STK32B: variants seen among roughly 807,000 people sequenced by gnomAD.
The protein encoded by STK32B is serine/threonine-protein kinase 32B.
STK32B carries 43 observed loss-of-function variants against 52.6 expected under a neutral mutation model. That is an observed-to-expected ratio of 0.82 (90% confidence interval 0.64 to 1.05). The LOEUF (loss-of-function observed/expected upper bound fraction) is 1.05, where lower values mean the gene tolerates loss of function less well. STK32B is among the 50% of genes least tolerant of loss of function. The pLI, the probability that STK32B is intolerant of heterozygous loss-of-function variation, is 0.00. For missense variants in STK32B, 621 were observed against 534.6 expected, an observed-to-expected ratio of 1.16 and a Z score of -1.59; for synonymous variants, 238 against 204.3, an observed-to-expected ratio of 1.17 and a Z score of -1.41.
intron 3 of STK32B, among the ~76,000 whole-genome samples, chr4:5,294,264 T>C (rs1433748223): frequency 6.6e-6 from 1 of 152,198 alleles, no homozygotes; most frequent in Admixed American, 6.5e-5. Flanking sequence ...TTGTCTTGGC[T>C]GTACAGGCTG....
At position 5,416,944 on chromosome 4, in the gene STK32B, C is replaced by T; in HGVS notation, c.562+10C>T. 3 of 1,607,738 alleles carry T rather than the reference C, an allele frequency of 1.9e-6. No homozygotes were observed. The highest frequency in any genetic ancestry group is 2.5e-6 in the Non-Finnish European group (3 of 1,176,894). ...ACCAAGCCCTACATGGGTGAGTGTTCCAGGCCCCTTCTTTTCATGTGATCG... is the reference window on the plus strand; with the variant it reads ...ACCAAGCCCTACATGGGTGAGTGTTTCAGGCCCCTTCTTTTCATGTGATCG... On this transcript the variant is annotated intron_variant, in intron 6 of 11. Coordinates refer to ENST00000282908, the MANE Select transcript of STK32B (RefSeq NM_018401.3).
intron 4 of STK32B, among the ~76,000 whole-genome samples, chr4:5,389,840 T>A (rs1473011572): frequency 2.6e-5 from 4 of 152,000 alleles, no homozygotes; most frequent in Non-Finnish European, 5.9e-5. Flanking sequence ...GTGGGAAGAG[T>A]CTCCTGGATT....
chr4:5,385,436 T>C (rs1736184697), intron 4 of STK32B, among the ~76,000 whole-genome samples: 1 of 137,446 alleles, frequency 7.3e-6, no homozygotes, highest in Non-Finnish European at 1.6e-5. Context: ...CATGCTGAGG[T>C]TGTGAGTGTT....
intron 1 of STK32B, among the ~76,000 whole-genome samples, chr4:5,074,778 A>G (rs1037104081): frequency 6.6e-6 from 1 of 152,020 alleles, no homozygotes; most frequent in Non-Finnish European, 1.5e-5. Flanking sequence ...AGGAGTGTTG[A>G]GTTTTATTCC....
intron 1 of STK32B, among the ~76,000 whole-genome samples, chr4:5,111,665 T>C (rs1714414218): frequency 6.6e-6 from 1 of 152,076 alleles, no homozygotes; most frequent in Non-Finnish European, 1.5e-5. Context: ...ATCCAATATA[T>C]GGATGATGGG....
At chr4:5,477,829 C>G (rs889383816) in intron 11 of STK32B, among the ~76,000 whole-genome samples, 4 of 152,158 alleles carry the variant, frequency 2.6e-5, no homozygotes, top group Non-Finnish European at 4.4e-5. Flanking sequence ...TCAATCCTGC[C>G]GTGTGCTGGG....
intron 1 of STK32B, among the ~76,000 whole-genome samples, chr4:5,068,460 A>C (rs1298257583): frequency 6.6e-6 from 1 of 152,190 alleles, no homozygotes; most frequent in Non-Finnish European, 1.5e-5. Flanking sequence ...TTAGAATAAC[A>C]GTGTGAGAGA....
rs1560130170 is a variant in STK32B at position 5,058,720 on chromosome 4, G to A, written c.52+6805G>A. Among the ~76,000 whole-genome samples, 1 of 151,940 alleles carries A rather than the reference G, an allele frequency of 6.6e-6. No homozygotes were observed. Among genetic ancestry groups the A allele is most frequent in the African/African-American group, 2.4e-5 (1 of 41,382 alleles). ...CCATAGGAACACACCACCATGCCCTGCTAGTTTATTTATTTATTTTTTATT... is the reference window on the plus strand; with the variant it reads ...CCATAGGAACACACCACCATGCCCTACTAGTTTATTTATTTATTTTTTATT... On this transcript the variant is annotated intron_variant, in intron 1 of 11. Transcript: ENST00000282908. This position sits in a 1 kb window ranked among gnomAD's most constrained non-coding sequence, Gnocchi z 4.8.
At chr4:5,446,808 G>A in intron 7 of STK32B, 32 bp downstream of exon 7, 2 of 1,606,576 alleles carry the variant, frequency 1.2e-6, no homozygotes, top group Non-Finnish European at 1.7e-6. Flanking sequence ...TACACACGAG[G>A]GGCTGTGCAG....
chr4:5,466,097 G>A lies in STK32B; in HGVS notation c.910-606G>A, dbSNP rs567088970. The stretch of plus-strand genomic sequence containing the variant: ...ACCGGCACCTGGGGCCATCATCTGG[G>A]CTACAGCTGAGGAATGAAAGTGGCT... On this transcript the variant is annotated intron_variant, in intron 9 of 11. Coordinates refer to ENST00000282908, the MANE Select transcript of STK32B (RefSeq NM_018401.3). Among the ~76,000 whole-genome samples, 148 of 152,254 alleles carry A rather than the reference G, an allele frequency of 9.7e-4. 1 individual carries two copies. Among genetic ancestry groups the A allele is most frequent in the African/African-American group, 3.4e-3 (143 of 41,560 alleles).
At chr4:5,043,623 G>A in the STK32B span, among the ~76,000 whole-genome samples, 1 of 152,232 alleles carries the variant, frequency 6.6e-6, no homozygotes, top group African/African-American at 2.4e-5. Context: ...ACATGAGGTT[G>A]TCCCAGACCA....
chr4:5,473,640 T>C (rs1250901613), intron 11 of STK32B, among the ~76,000 whole-genome samples: 2 of 152,096 alleles, frequency 1.3e-5, no homozygotes, highest in African/African-American at 4.8e-5. Flanking sequence ...GAATTGTCAC[T>C]CTCCCTGTAG....
intron 3 of STK32B, among the ~76,000 whole-genome samples, chr4:5,237,153 A>G (rs189413399): frequency 7.2e-5 from 11 of 152,306 alleles, no homozygotes; most frequent in African/African-American, 2.6e-4. Context: ...GCTAAAGTCT[A>G]CAACCCCTGA....
intron 3 of STK32B, among the ~76,000 whole-genome samples, chr4:5,289,944 G>T (rs908782393): frequency 2.0e-5 from 3 of 151,950 alleles, no homozygotes; most frequent in Non-Finnish European, 4.4e-5. Flanking sequence ...TTGTTGTACA[G>T]ATTATTTCAT....
intron 1 of STK32B, among the ~76,000 whole-genome samples, chr4:5,075,715 A>T (rs1221518722): frequency 6.6e-6 from 1 of 151,984 alleles, no homozygotes; most frequent in Non-Finnish European, 1.5e-5. Context: ...GGTCATTTTG[A>T]TAGATTTCTT....
chr4:5,495,272 TTTC>T (rs1720123328), intron 11 of STK32B, among the ~76,000 whole-genome samples: 1 of 152,130 alleles, frequency 6.6e-6, no homozygotes, highest in African/African-American at 2.4e-5. Context: ...GCTTTGTTCG[TTTC>T]TTTTTATTCT....
intron 5 of STK32B, among the ~76,000 whole-genome samples, chr4:5,401,653 T>C (rs942833236): frequency 3.9e-5 from 6 of 152,124 alleles, no homozygotes; most frequent in Admixed American, 3.3e-4. Context: ...AGATACAGCA[T>C]CTCAGAACAA....
chr4:5,087,125 G>T (rs1712774161), intron 1 of STK32B, among the ~76,000 whole-genome samples: 1 of 152,058 alleles, frequency 6.6e-6, no homozygotes, highest in South Asian at 2.1e-4. Context: ...ATATAGATAG[G>T]CACATAATAA....
chr4:5,125,271 C>T (rs1008427591), intron 1 of STK32B, among the ~76,000 whole-genome samples: 1 of 152,212 alleles, frequency 6.6e-6, no homozygotes, highest in Admixed American at 6.5e-5. Flanking sequence ...TTCTGACCTA[C>T]AGAACAGTGA....
Sources: allele counts gnomAD v4.1 joint callset (sites outside exome capture counted in the v4.1 genomes callset), GRCh38; gene constraint gnomAD v4.1.1; non-coding constraint Gnocchi (gnomAD v3.1); transcripts MANE v1.5; gene names NCBI Gene and HGNC (gene_info 2026-07-23, HGNC 2026-07-21).